Variants in PABIR3 observed in about 807,000 individuals in gnomAD.
The protein encoded by PABIR3 is PABIR family member 3.
Under a neutral mutation model 23.1 loss-of-function variants are expected in PABIR3, and 20 were observed. The observed-to-expected ratio is 0.86, with a 90% confidence interval of 0.61 to 1.26. PABIR3 has a LOEUF of 1.26. Among genes scored for constraint, PABIR3 ranks in the 50% most tolerant of loss-of-function variants. PABIR3 has a pLI of 0.00. For synonymous variants in PABIR3, 69 were observed against 68.5 expected, an observed-to-expected ratio of 1.01 and a Z score of -0.04; for missense variants, 189 against 195.4, an observed-to-expected ratio of 0.97 and a Z score of 0.20.
At chrX:134,833,261 C>T (rs2081869791) in intron 4 of PABIR3, 1 of 111,665 alleles carries the variant, frequency 9.0e-6, no homozygotes, top group Non-Finnish European at 1.9e-5. Flanking sequence ...TTTTGTACAT[C>T]CTTTTTCATC....
chrX:134,847,601 A>C (rs1209235600), intron 7 of PABIR3, 126 bp downstream of exon 7: 1 of 500,669 alleles, frequency 2.0e-6, no homozygotes, highest in African/African-American at 2.4e-5. Context: ...GATTCTAACT[A>C]ACATTTTTCC....
rs1348929328 is a variant in PABIR3 at position 134,829,199 on chromosome X, G to T, written c.190-27G>T. On this transcript the variant is annotated intron_variant, in intron 3 of 10. Coordinates refer to ENST00000645433, the MANE Select transcript of PABIR3 (RefSeq NM_001388447.1). ...TAATTAATCACAAACATTAAAGCAA[G>T]CTTGACTTCTATATTTTAAATTTCA... 8.6e-6 allele frequency: 10 copies of T among 1,167,263 alleles called. No homozygotes were observed. The South Asian group carries it at 1.8e-4, about 21-fold the overall frequency.
At chrX:134,860,915 A>AC in the PABIR3 span, among the ~76,000 whole-genome samples, 1 of 111,935 alleles carries the variant, frequency 8.9e-6, no homozygotes, top group Non-Finnish European at 1.9e-5. Flanking sequence ...ATTACAGGTT[A>AC]CCAGGGACTA....
upstream of PABIR3, among the ~76,000 whole-genome samples, chrX:134,804,897 A>G (rs1000977374): frequency 1.8e-5 from 2 of 112,659 alleles, no homozygotes; most frequent in Non-Finnish European, 3.7e-5. Context: ...GGGAATTTTA[A>G]CAGTGGCTTT....
chrX:134,804,269 A>T, upstream of PABIR3: 1 of 1,093,492 alleles, frequency 9.1e-7, no homozygotes, highest in Non-Finnish European at 1.2e-6. Flanking sequence ...ATGTGTGCGT[A>T]GAAATGGGGA....
chrX:134,818,438 G>A (rs946680819), intron 3 of PABIR3, among the ~76,000 whole-genome samples: 1 of 111,723 alleles, frequency 9.0e-6, no homozygotes, highest in Admixed American at 9.6e-5. Context: ...GCAGGAGGAG[G>A]CTTCAGAAGA....
chrX:134,814,833 G>A lies in PABIR3; in HGVS notation c.173G>A (p.Arg58Lys). 8.4e-7 allele frequency: 1 copy of A among 1,195,889 alleles called. No homozygotes were observed. Among genetic ancestry groups the A allele is most frequent in the Non-Finnish European group, 1.1e-6 (1 of 885,955 alleles). ...ATTAGGACAAACAGAACAACATTTA[G>A]GAATCGACGCTCTCTGGTAAGGAAA... ...LRIRTNRTTF[R>K]NRRSLLLPPP... is the part of the protein sequence containing the mutation. The change falls in exon 3 of 11, where the codon AGG becomes AAG. Residue 58 changes from arginine to lysine, a missense_variant. By Grantham distance (26) the Arg-to-Lys change is conservative (BLOSUM62 2). Coordinates refer to ENST00000645433, the MANE Select transcript of PABIR3 (RefSeq NM_001388447.1).
At chrX:134,804,005 G>A, upstream of PABIR3, 1 of 249,569 alleles carries the variant, frequency 4.0e-6, no homozygotes. Flanking sequence ...ACTTGCTCTT[G>A]TGGTAACTAA....
At position 134,849,174 on chromosome X, in the gene PABIR3, C is replaced by G; in HGVS notation, c.535C>G (p.Gln179Glu). ...ATGATGATTTTATTTTAGAAGAAGTCAAAATCCTACCAACATTATTAGACC... is the reference window on the plus strand; with the variant it reads ...ATGATGATTTTATTTTAGAAGAAGTGAAAATCCTACCAACATTATTAGACC... ...SPMQQYIIRS[Q>E]NPTNIIRPSI... Residue 179 changes from glutamine (Q) to glutamate (E), a missense_variant, in exon 9 of 11, where the codon CAA becomes GAA. Physicochemically the swap from Gln to Glu is conservative, Grantham distance 29 (BLOSUM62 2). Coordinates refer to ENST00000645433, the MANE Select transcript of PABIR3 (RefSeq NM_001388447.1). 2 of 988,717 alleles carry G rather than the reference C, an allele frequency of 2.0e-6. No individual in the cohort carries two copies. The highest frequency in any genetic ancestry group is 1.3e-6 in the Non-Finnish European group (1 of 776,109). The allele number at this position is 988,717 out of a possible 1,213,427, so 81.5% of individuals were successfully genotyped here. A position where few individuals can be genotyped will look rare whatever the true frequency, so the allele number is the denominator to read the frequency against.
At chrX:134,843,956 T>G (rs1442451663) in intron 4 of PABIR3, among the ~76,000 whole-genome samples, 1 of 92,563 alleles carries the variant, frequency 1.1e-5, no homozygotes, top group Non-Finnish European at 2.1e-5. Flanking sequence ...AGAGTGTTGC[T>G]CTCTGTCATT....
At position 134,854,381 on chromosome X, in the gene PABIR3, C is replaced by A; in HGVS notation, c.*164C>A. 1.9e-6 allele frequency: 1 copy of A among 522,130 alleles called. No individual in the cohort carries two copies. The highest frequency in any genetic ancestry group is 2.8e-6 in the Non-Finnish European group (1 of 357,014). 43.0% of individuals were successfully genotyped at this position (522,130 alleles called of 1,213,427 possible). ...CTCAATTTCCTAAAATTCTATTTAT[C>A]TACAGAACTTGCGTGTATAATTCTT... On this transcript the variant is annotated 3_prime_UTR_variant, in exon 11 of 11. Coordinates refer to ENST00000645433, the MANE Select transcript of PABIR3 (RefSeq NM_001388447.1).
chrX:134,862,882 A>G, the PABIR3 span, among the ~76,000 whole-genome samples: 1 of 111,953 alleles, frequency 8.9e-6, no homozygotes, highest in African/African-American at 3.2e-5. Flanking sequence ...GAATGCCACA[A>G]AATAAGCAAA....
At chrX:134,842,564 C>T (rs925259976) in intron 4 of PABIR3, among the ~76,000 whole-genome samples, 3 of 110,136 alleles carry the variant, frequency 2.7e-5, no homozygotes, top group Non-Finnish European at 5.7e-5. Context: ...GCCGAGATCG[C>T]GCCACTGCAT....
At chrX:134,862,156 T>TA in the PABIR3 span, among the ~76,000 whole-genome samples, 1 of 95,259 alleles carries the variant, frequency 1.0e-5, no homozygotes, top group Non-Finnish European at 2.1e-5. Context: ...TTTTTTTTTT[T>TA]TTTTTTTTTT....
At chrX:134,810,548 A>C (rs1179562537) in intron 2 of PABIR3, 1 of 752,668 alleles carries the variant, frequency 1.3e-6, no homozygotes, top group African/African-American at 2.3e-5. Flanking sequence ...ATCTGAGGGC[A>C]TATTTTGTGC....
the PABIR3 span, among the ~76,000 whole-genome samples, chrX:134,863,973 A>G: frequency 8.9e-6 from 1 of 112,225 alleles, no homozygotes; most frequent in Non-Finnish European, 1.9e-5. Context: ...TTTATATTTC[A>G]TGCTTGCTAA....
intron 2 of PABIR3, chrX:134,809,751 T>A (rs2080524733): frequency 1.4e-6 from 1 of 722,191 alleles, no homozygotes; most frequent in Non-Finnish European, 1.6e-6. Flanking sequence ...GCAGAGCCAG[T>A]ACTAGGAAGC....
chrX:134,820,734 A>G (rs1218994376), intron 3 of PABIR3, among the ~76,000 whole-genome samples: 1 of 111,070 alleles, frequency 9.0e-6, no homozygotes, highest in African/African-American at 3.3e-5. Context: ...AATATGGGTA[A>G]AACAGGCTGG....
At chrX:134,851,536 G>GAA (rs758441936) in intron 9 of PABIR3, among the ~76,000 whole-genome samples, 1 of 87,914 alleles carries the variant, frequency 1.1e-5, no homozygotes, top group Non-Finnish European at 2.3e-5. Flanking sequence ...ACTCTGTCTG[G>GAA]AAAAAAAAAA....
Sources: allele counts gnomAD v4.1 joint callset (sites outside exome capture counted in the v4.1 genomes callset), GRCh38; gene constraint gnomAD v4.1.1; transcripts MANE v1.5; gene names NCBI Gene and HGNC (gene_info 2026-07-23, HGNC 2026-07-21).